Variants in TMEM26 observed in about 807,000 individuals in gnomAD.
TMEM26 encodes the protein transmembrane protein 26.
In TMEM26, 38 loss-of-function variants were observed where a neutral mutation model predicts 28.8. That is an observed-to-expected ratio of 1.32 (90% confidence interval 1.02 to 1.73). The LOEUF is 1.73. Among genes scored for constraint, TMEM26 ranks in the 40% most tolerant of loss-of-function variants. The pLI is 0.00. For synonymous variants in TMEM26, 227 were observed against 182.9 expected, an observed-to-expected ratio of 1.24 and a Z score of -1.95; for missense variants, 518 against 447.1, an observed-to-expected ratio of 1.16 and a Z score of -1.43.
intron 1 of TMEM26, 62 bp from the exon 2 acceptor site, chr10:61,436,310 A>T: frequency 1.8e-6 from 2 of 1,081,578 alleles, no homozygotes; most frequent in African/African-American, 1.6e-5. Context: ...AAAAAAAAAA[A>T]TTAAGAGGAA....
At chr10:61,432,426 C>T (rs555958876) in intron 2 of TMEM26, among the ~76,000 whole-genome samples, 41 of 151,802 alleles carry the variant, frequency 2.7e-4, no homozygotes, top group Middle Eastern at 3.4e-3. Flanking sequence ...GCTGGGAATC[C>T]GAGGTAAAGT....
At chr10:61,435,250 C>T (rs959813084) in intron 2 of TMEM26, among the ~76,000 whole-genome samples, 5 of 152,130 alleles carry the variant, frequency 3.3e-5, no homozygotes, top group Admixed American at 2.0e-4. Context: ...GGTACAATCT[C>T]GGCTCACTAA....
At chr10:61,443,296 C>CA (rs536125967) in intron 1 of TMEM26, among the ~76,000 whole-genome samples, 4,464 of 117,196 alleles carry the variant, frequency 0.038, 122 homozygotes, top group African/African-American at 0.091. Flanking sequence ...CTAAAAATAC[C>CA]AAAAAAAAAA....
chr10:61,445,666 C>T (rs1458029568), intron 1 of TMEM26, among the ~76,000 whole-genome samples: 4 of 150,026 alleles, frequency 2.7e-5, no homozygotes, highest in African/African-American at 1.0e-4. Context: ...TCATAAAGTG[C>T]CTACATTAAA....
chr10:61,416,222 C>T (rs974132408), intron 4 of TMEM26: 1 of 390,860 alleles, frequency 2.6e-6, no homozygotes, highest in Non-Finnish European at 5.0e-6. Context: ...TAATCCCAAA[C>T]TTCAATAATT....
At chr10:61,440,447 C>G (rs1840073947) in intron 1 of TMEM26, among the ~76,000 whole-genome samples, 1 of 150,096 alleles carries the variant, frequency 6.7e-6, no homozygotes, top group African/African-American at 2.5e-5. Flanking sequence ...CCCTGCCCAC[C>G]TCTTGCTCTC....
In TMEM26 at chr10:61,448,918, C is replaced by G. The variant is rs181899949; in HGVS notation, c.191+3973G>C. On this transcript the variant is annotated intron_variant, in intron 1 of 5. Coordinates refer to ENST00000399298, the MANE Select transcript of TMEM26 (RefSeq NM_178505.8). ...TGCCTGCTTTCGAGTGAACAGCCTT[C>G]AAACTTGTCACAGTCTTAGTAATTT... 4.3e-3 allele frequency among the ~76,000 whole-genome samples: 658 copies of G among 152,318 alleles called. 6 individuals are homozygous for G. The highest frequency in any genetic ancestry group is 0.015 in the African/African-American group (622 of 41,566).
intron 2 of TMEM26, among the ~76,000 whole-genome samples, chr10:61,433,964 A>G (rs1345308720): frequency 1.3e-5 from 2 of 152,186 alleles, no homozygotes; most frequent in African/African-American, 2.4e-5. Flanking sequence ...TGTATGTATC[A>G]TGCCTAACCT....
intron 1 of TMEM26, among the ~76,000 whole-genome samples, chr10:61,438,163 C>T (rs1198799050): frequency 6.6e-6 from 1 of 151,910 alleles, no homozygotes; most frequent in Admixed American, 6.6e-5. Context: ...ATAGATACTC[C>T]CCCACCTTTG....
chr10:61,446,626 C>T (rs1266915688), intron 1 of TMEM26, among the ~76,000 whole-genome samples: 4 of 151,758 alleles, frequency 2.6e-5, no homozygotes, highest in African/African-American at 7.3e-5. Flanking sequence ...TGAGACCATC[C>T]TGGCCAACAT....
At chr10:61,452,355 C>A (rs1215862367) in intron 1 of TMEM26, among the ~76,000 whole-genome samples, 1 of 152,240 alleles carries the variant, frequency 6.6e-6, no homozygotes, top group East Asian at 1.9e-4. Context: ...ACGCGCGACG[C>A]GCGCGGCTGG....
chr10:61,428,121 G>A (rs1250244519), intron 4 of TMEM26, among the ~76,000 whole-genome samples: 2 of 152,060 alleles, frequency 1.3e-5, no homozygotes, highest in African/African-American at 4.8e-5. Context: ...ATGTTTTGTT[G>A]TTTGAGAAGC....
rs568346633 is a variant in TMEM26 at position 61,442,583 on chromosome 10, G to A, written c.192-6335C>T. ...CAATATTTTCTCCTCTACAAAAACA[G>A]AGTGAAGTTGTAAGAATACTAGACC... On this transcript the variant is annotated intron_variant, in intron 1 of 5. Coordinates refer to ENST00000399298, the MANE Select transcript of TMEM26 (RefSeq NM_178505.8). Among the ~76,000 whole-genome samples, 4 of 152,248 alleles carry A rather than the reference G, an allele frequency of 2.6e-5. 1 individual carries two copies. In the South Asian group the frequency reaches 8.3e-4, roughly 32 times the overall value.
chr10:61,427,519 T>C (rs1379984657), intron 4 of TMEM26, among the ~76,000 whole-genome samples: 1 of 152,108 alleles, frequency 6.6e-6, no homozygotes, highest in Non-Finnish European at 1.5e-5. Flanking sequence ...TCTACTTTTA[T>C]TCACGAAATT....
chr10:61,428,746 A>G (rs1839871886), intron 4 of TMEM26, among the ~76,000 whole-genome samples, 180 bp downstream of exon 4: 2 of 152,126 alleles, frequency 1.3e-5, no homozygotes, highest in African/African-American at 4.8e-5. Context: ...TATTTCTTAA[A>G]AAACATAAAG....
chr10:61,410,231 T>G lies in TMEM26; in HGVS notation c.*91A>C. The G allele has an allele frequency of 1.5e-6, 2 of 1,352,946 alleles. No homozygotes were observed. The allele number at this position is 1,352,946 out of a possible 1,614,324, so 83.8% of individuals were successfully genotyped here. On this transcript the variant is annotated 3_prime_UTR_variant, in exon 6 of 6. Transcript: ENST00000399298. ...TTTTATGTTGTTCTTTTGAAAATTA[T>G]TATACGCCAAGGTTGGAGGAGAAAA...
intron 4 of TMEM26, chr10:61,414,126 G>A: frequency 2.4e-6 from 2 of 828,770 alleles, no homozygotes; most frequent in Non-Finnish European, 1.5e-6. Flanking sequence ...GCCTAGAACA[G>A]TGCTTGATGG....
chr10:61,437,761 G>A (rs1039592546), intron 1 of TMEM26, among the ~76,000 whole-genome samples: 16 of 152,118 alleles, frequency 1.1e-4, no homozygotes, highest in African/African-American at 2.7e-4. Context: ...TCCAGCCTGG[G>A]CAACAGAGCA....
intron 4 of TMEM26, chr10:61,416,174 CA>C (rs1839649181): frequency 2.4e-6 from 1 of 420,984 alleles, no homozygotes; most frequent in East Asian, 7.2e-5. Context: ...TCAATAGATG[CA>C]AAAGAAATTT....
Sources: allele counts gnomAD v4.1 joint callset (sites outside exome capture counted in the v4.1 genomes callset), GRCh38; gene constraint gnomAD v4.1.1; transcripts MANE v1.5; gene names NCBI Gene and HGNC (gene_info 2026-07-23, HGNC 2026-07-21).